Variants in SPECC1L observed in about 807,000 individuals in gnomAD.
SPECC1L encodes the protein sperm antigen with calponin homology and coiled-coil domains 1 like, also known as cytospin-A.
In SPECC1L, 40 loss-of-function variants were observed where a neutral mutation model predicts 116.8. The ratio of observed to expected loss-of-function variants is 0.34; its 90% CI spans 0.27 to 0.45. SPECC1L has a LOEUF of 0.45. Ranked by LOEUF, SPECC1L falls within the 20% of genes least tolerant of loss-of-function variation. SPECC1L has a pLI of 1.00. For synonymous variants in SPECC1L, 504 were observed against 500.6 expected (o/e 1.01, Z -0.09); for missense variants, 1,110 against 1,373.6 (o/e 0.81, Z 3.03).
chr22:24,282,699 T>C lies in SPECC1L; in HGVS notation c.-38+5896T>C, dbSNP rs920122714. On this transcript the variant is annotated intron_variant, in intron 2 of 16. Transcript: ENST00000314328. ...GGAATGAATGTTGGGTTTTGTTTAG[T>C]GTTTTTCTGTGTGTATTGAGAAGAT... 3.9e-5 allele frequency among the ~76,000 whole-genome samples: 6 copies of C among 152,302 alleles called. No homozygotes were observed. The South Asian group carries it at 1.0e-3, about 26-fold the overall frequency.
intron 14 of SPECC1L, among the ~76,000 whole-genome samples, chr22:24,394,004 G>A (rs2042320080): frequency 6.6e-6 from 1 of 152,180 alleles, no homozygotes; most frequent in South Asian, 2.1e-4. Flanking sequence ...GTCATTGTGT[G>A]TAACCGTAGC....
chr22:24,406,674 T>C (rs1473830689), intron 14 of SPECC1L, among the ~76,000 whole-genome samples: 2 of 152,118 alleles, frequency 1.3e-5, no homozygotes, highest in Non-Finnish European at 2.9e-5. Flanking sequence ...GGAGAAGCCA[T>C]TTCTCTGGTG....
chr22:24,404,138 T>G (rs1009460364), intron 14 of SPECC1L, among the ~76,000 whole-genome samples: 2 of 152,212 alleles, frequency 1.3e-5, no homozygotes, highest in East Asian at 3.8e-4. Flanking sequence ...CCTTCTGGTT[T>G]CTTTCCCCCA....
At position 24,358,092 on chromosome 22, in the gene SPECC1L, G is replaced by A. The variant is rs180707647; in HGVS notation, c.2744-5169G>A. Among the ~76,000 whole-genome samples, 13 of 148,254 alleles carry A rather than the reference G, an allele frequency of 8.8e-5. No individual in the cohort carries two copies. In the East Asian group the frequency reaches 2.0e-3, roughly 22 times the overall value. On this transcript the variant is annotated intron_variant, in intron 11 of 16. Transcript: ENST00000314328. ...GTCTTGGGTGTAAGGATCACATATT[G>A]TAGAGGTGTTTTGTTTTTTTTGGTT...
chr22:24,282,649 G>A (rs998786551), intron 2 of SPECC1L, among the ~76,000 whole-genome samples: 1 of 152,082 alleles, frequency 6.6e-6, no homozygotes, highest in African/African-American at 2.4e-5. Flanking sequence ...TATCCTCTGT[G>A]TGGAGTTTTG....
intron 11 of SPECC1L, among the ~76,000 whole-genome samples, chr22:24,356,577 A>G (rs953694033): frequency 8.5e-5 from 13 of 152,102 alleles, no homozygotes; most frequent in African/African-American, 3.1e-4. Flanking sequence ...AGTTTCTTGT[A>G]GACGGTATAT....
rs995966394 is a variant in SPECC1L, at chr22:24,415,317, C to CG, written c.*699dup. ...TGGGCTTTCTGGCGGGAAGCAGTTA[C>CG]GGGGGCCCCTTGCCTGGACTCAGCG... On this transcript the variant is annotated 3_prime_UTR_variant, in exon 17 of 17. Coordinates refer to ENST00000314328, the MANE Select transcript of SPECC1L (RefSeq NM_015330.6). 3 of 153,010 alleles carry CG rather than the reference C, an allele frequency of 2.0e-5. No individual in the cohort carries two copies. The highest frequency in any genetic ancestry group is 7.2e-5 in the African/African-American group (3 of 41,554). The allele number at this position is 153,010 out of a possible 1,614,324, so 9.5% of individuals were successfully genotyped here.
intron 14 of SPECC1L, among the ~76,000 whole-genome samples, chr22:24,405,524 C>T (rs749596599): frequency 1.3e-5 from 2 of 152,084 alleles, no homozygotes; most frequent in Non-Finnish European, 2.9e-5. Context: ...ATCTCCTCTA[C>T]AGTAAGCAAA....
chr22:24,393,732 A>G (rs1828960415), intron 14 of SPECC1L, among the ~76,000 whole-genome samples: 1 of 152,136 alleles, frequency 6.6e-6, no homozygotes, highest in Non-Finnish European at 1.5e-5. Flanking sequence ...TTTGACATAC[A>G]TATACATATA....
At chr22:24,318,472 T>C (rs1349445832) in intron 4 of SPECC1L, among the ~76,000 whole-genome samples, 3 of 152,078 alleles carry the variant, frequency 2.0e-5, no homozygotes, top group Admixed American at 2.0e-4. Context: ...ATGGCAGCAG[T>C]ACAGTCCAGC....
chr22:24,379,346 C>T (rs1312982006), intron 14 of SPECC1L, among the ~76,000 whole-genome samples: 1 of 151,650 alleles, frequency 6.6e-6, no homozygotes, highest in Non-Finnish European at 1.5e-5. Context: ...TACCACTGCA[C>T]TCCTGCCTGG....
At position 24,374,777 on chromosome 22, in the gene SPECC1L, A is replaced by T. The variant is rs556262379; in HGVS notation, c.3087+5457A>T. ...TACCCTAAAACTTAAAGTATAATTT[A>T]AAAAAAAAGGAAGTAGAAAAAAGAT... On this transcript the variant is annotated intron_variant, in intron 14 of 16. Transcript: ENST00000314328. Among the ~76,000 whole-genome samples the T allele has an allele frequency of 2.6e-4, 40 of 151,478 alleles. 2 individuals carry two copies. The East Asian group carries it at 4.1e-3, about 15-fold the overall frequency.
chr22:24,329,661 C>T (rs1487767966), intron 7 of SPECC1L, among the ~76,000 whole-genome samples: 2 of 152,188 alleles, frequency 1.3e-5, no homozygotes, highest in Non-Finnish European at 2.9e-5. Flanking sequence ...GAGACTTCCC[C>T]ACCCGGCCAC....
chr22:24,300,306 A>G (rs2049351521), intron 2 of SPECC1L, among the ~76,000 whole-genome samples: 1 of 152,164 alleles, frequency 6.6e-6, no homozygotes, highest in Admixed American at 6.5e-5. Context: ...AAAGGACATG[A>G]TCTCATTCCT....
chr22:24,321,882 G>A lies in SPECC1L; in HGVS notation c.902G>A (p.Gly301Asp), dbSNP rs204710. The change falls in exon 5 of 17, where the codon GGT becomes GAT. Residue 301 changes from glycine (G) to aspartate (D), a missense_variant. By Grantham distance (94) the Gly-to-Asp change is moderately conservative. Transcript: ENST00000314328. ...YQSLSPEITP[G>D]NQSDGGGTLT... is the part of the protein sequence containing the mutation. ...TCCCTGAGCCCAGAAATCACCCCTG[G>A]TAACCAGAGCGATGGAGGAGGAACT... 2.5e-5 allele frequency: 41 copies of A among 1,614,112 alleles called. No individual in the cohort carries two copies. The East Asian group carries it at 8.7e-4, about 34-fold the overall frequency.
intron 13 of SPECC1L, among the ~76,000 whole-genome samples, chr22:24,368,281 C>T (rs936707047): frequency 1.2e-4 from 18 of 152,136 alleles, no homozygotes; most frequent in African/African-American, 4.1e-4. Flanking sequence ...GATAGGGGCC[C>T]TGTGTTGTTC....
At chr22:24,360,640 C>T (rs551617065) in intron 11 of SPECC1L, among the ~76,000 whole-genome samples, 1 of 152,098 alleles carries the variant, frequency 6.6e-6, no homozygotes, top group South Asian at 2.1e-4. Flanking sequence ...TAGGGAATGA[C>T]CAGGGCTTAT....
intron 14 of SPECC1L, among the ~76,000 whole-genome samples, chr22:24,409,369 A>C (rs2146811163): frequency 6.6e-6 from 1 of 152,328 alleles, no homozygotes; most frequent in South Asian, 2.1e-4. Flanking sequence ...GTTCTTGTTC[A>C]GCTTGTGGTG....
intron 11 of SPECC1L, among the ~76,000 whole-genome samples, chr22:24,361,653 A>C (rs2041646159): frequency 6.6e-6 from 1 of 151,516 alleles, no homozygotes; most frequent in Non-Finnish European, 1.5e-5. Flanking sequence ...AAAATTAGTC[A>C]GGTGTGGTGG....
Sources: allele counts gnomAD v4.1 joint callset (sites outside exome capture counted in the v4.1 genomes callset), GRCh38; gene constraint gnomAD v4.1.1; transcripts MANE v1.5; gene names NCBI Gene and HGNC (gene_info 2026-07-23, HGNC 2026-07-21).